MOSMO: variants seen among roughly 807,000 people sequenced by gnomAD.
The protein encoded by MOSMO is modulator of smoothened, also known as modulator of smoothened protein.
A neutral mutation model predicts 18.4 loss-of-function variants in MOSMO; 5 were observed. The observed-to-expected ratio is 0.27, with a 90% confidence interval of 0.14 to 0.57. The LOEUF (loss-of-function observed/expected upper bound fraction) is 0.57. MOSMO is among the 20% of genes least tolerant of loss of function. The pLI, the probability that MOSMO is intolerant of heterozygous loss-of-function variation, is 0.92. For missense variants in MOSMO, 138 were observed against 211.8 expected (o/e 0.65, Z 2.16); for synonymous variants, 82 against 82.3 (o/e 1.00, Z 0.02).
At chr16:22,061,365 C>T (rs1900642069) in intron 1 of MOSMO, among the ~76,000 whole-genome samples, 1 of 152,186 alleles carries the variant, frequency 6.6e-6, no homozygotes, top group Non-Finnish European at 1.5e-5. Flanking sequence ...GGACAGTAGA[C>T]CAAAAGACAA....
intron 1 of MOSMO, among the ~76,000 whole-genome samples, chr16:22,069,244 C>G (rs546537219): frequency 6.6e-6 from 1 of 152,124 alleles, no homozygotes; most frequent in East Asian, 1.9e-4. Flanking sequence ...GTATTGTAGG[C>G]AGAGGGAACA....
chr16:22,068,086 C>T (rs1467723762), intron 1 of MOSMO, among the ~76,000 whole-genome samples: 1 of 151,958 alleles, frequency 6.6e-6, no homozygotes, highest in Admixed American at 6.6e-5. Context: ...TTTGGATCCA[C>T]ATAAAGAAAT....
chr16:22,046,219 T>C (rs1567507536), intron 1 of MOSMO, among the ~76,000 whole-genome samples: 1 of 152,228 alleles, frequency 6.6e-6, no homozygotes, highest in African/African-American at 2.4e-5. Flanking sequence ...ATTTAAAGAC[T>C]AGAGCTATTG....
In MOSMO at chr16:22,075,845, G is replaced by GT. The variant is rs1245714262; in HGVS notation, c.319+147dup. The GT allele has an allele frequency of 1.0e-5, 6 of 598,566 alleles. No individual in the cohort carries two copies. The African/African-American group carries it at 1.1e-4, about 11-fold the overall frequency. 37.1% of individuals were successfully genotyped at this position (598,566 alleles called of 1,614,324 possible). ...ATGGCCGTGAGATAGACTCTACACA[G>GT]TCCCATCATTTCTTCAAAACTCTTT... On this transcript the variant is annotated intron_variant, in intron 2 of 2. Coordinates refer to ENST00000542527, the MANE Select transcript of MOSMO (RefSeq NM_001164579.2).
intron 1 of MOSMO, among the ~76,000 whole-genome samples, chr16:22,008,953 G>C (rs1190416256): frequency 6.6e-6 from 1 of 151,860 alleles, no homozygotes; most frequent in Non-Finnish European, 1.5e-5. Context: ...AGCTGCGGCC[G>C]GGGGCGAGCC....
intron 2 of MOSMO, 23 bp downstream of exon 2, chr16:22,075,722 A>G (rs767128971): frequency 2.9e-6 from 4 of 1,371,270 alleles, no homozygotes; most frequent in Admixed American, 2.4e-5. Flanking sequence ...TGCTTACTAA[A>G]TTTGTCTAGA....
chr16:22,019,287 T>G (rs1305981021), intron 1 of MOSMO, among the ~76,000 whole-genome samples: 2 of 152,226 alleles, frequency 1.3e-5, no homozygotes, highest in Non-Finnish European at 2.9e-5. Flanking sequence ...TCTGTATTAC[T>G]TTCTGTTTCC....
At position 22,075,655 on chromosome 16, in the gene MOSMO, G is replaced by A. The variant is rs376246482; in HGVS notation, c.275G>A (p.Arg92Gln). The change falls in exon 2 of 3, where the codon CGA (arginine) becomes CAA (glutamine). Residue 92 changes from arginine to glutamine, a missense_variant. Arg to Gln is a conservative substitution (Grantham distance 43). Coordinates refer to ENST00000542527, the MANE Select transcript of MOSMO (RefSeq NM_001164579.2). ...GGTTTGCTGGTGGCTTCCCACTGGC[G>A]AAGAGAAGCTACAAAATATGCTCGA... Reference protein sequence around the residue: ...TCGLLVASHWRREATKYARWI... With the variant: ...TCGLLVASHWQREATKYARWI... 13 of 1,537,212 alleles carry A rather than the reference G, an allele frequency of 8.5e-6. No individual in the cohort carries two copies. The highest frequency in any genetic ancestry group is 1.7e-4 in the Middle Eastern group (1 of 6,012).
At chr16:22,014,135 G>A (rs1295719747) in intron 1 of MOSMO, among the ~76,000 whole-genome samples, 1 of 152,068 alleles carries the variant, frequency 6.6e-6, no homozygotes, top group Non-Finnish European at 1.5e-5. Context: ...GCATGACAGA[G>A]GAGAGATGAG....
rs1246421901 is a variant in MOSMO at position 22,064,340 on chromosome 16, T to C, written c.107-11147T>C. The C allele has an allele frequency of 1.1e-5, 5 of 456,358 alleles. No homozygotes were observed. The East Asian group carries it at 2.8e-4, about 25-fold the overall frequency. 28.3% of individuals were successfully genotyped at this position (456,358 alleles called of 1,614,324 possible). The stretch of plus-strand genomic sequence containing the variant: ...TTAACTTTCATTCTCTTTACCAGTC[T>C]CACCTTAATCCAGCTCAGTTCTGTG... On this transcript the variant is annotated intron_variant, in intron 1 of 2. Transcript: ENST00000542527.
At chr16:22,008,481 G>A in intron 1 of MOSMO, 74 bp downstream of exon 1, 1 of 1,079,520 alleles carries the variant, frequency 9.3e-7, no homozygotes, top group Non-Finnish European at 1.3e-6. Flanking sequence ...CCCGGACTGA[G>A]GAGAGGACGG....
At chr16:22,010,931 CAG>C (rs1380256165) in intron 1 of MOSMO, among the ~76,000 whole-genome samples, 2 of 110,776 alleles carry the variant, frequency 1.8e-5, no homozygotes, top group African/African-American at 6.9e-5. Context: ...AAAAAGAAAA[CAG>C]AAAAAAAAAA....
At position 22,075,481 on chromosome 16, in the gene MOSMO, C is replaced by G; in HGVS notation, c.107-6C>G. 6.5e-7 allele frequency: 1 copy of G among 1,536,814 alleles called. No homozygotes were observed. The highest frequency in any genetic ancestry group is 8.7e-7 in the Non-Finnish European group (1 of 1,146,512). The stretch of plus-strand genomic sequence containing the variant: ...TAAAGTATTCCCACCATTTGCATCT[C>G]CCCAGGAGCACTCACTGTGGGCCTC... On this transcript the variant is annotated splice_polypyrimidine_tract_variant and splice_region_variant and intron_variant, in intron 1 of 2. Transcript: ENST00000542527.
At chr16:22,049,383 C>G (rs1341558324) in intron 1 of MOSMO, among the ~76,000 whole-genome samples, 1 of 152,002 alleles carries the variant, frequency 6.6e-6, no homozygotes, top group Non-Finnish European at 1.5e-5. Flanking sequence ...ATTAAAAATC[C>G]TTTTATAGAA....
At chr16:22,023,615 C>T (rs561741942) in intron 1 of MOSMO, among the ~76,000 whole-genome samples, 1 of 146,452 alleles carries the variant, frequency 6.8e-6, no homozygotes, top group South Asian at 2.1e-4. Context: ...CTGTGCTCTG[C>T]CCTTCCTCTC....
At chr16:22,011,420 G>T (rs1403845729) in intron 1 of MOSMO, among the ~76,000 whole-genome samples, 1 of 152,196 alleles carries the variant, frequency 6.6e-6, no homozygotes, top group African/African-American at 2.4e-5. Flanking sequence ...AGTGGCCAAA[G>T]TATTGTAATG....
chr16:22,037,652 T>A (rs115686306), intron 1 of MOSMO, among the ~76,000 whole-genome samples: 132 of 152,166 alleles, frequency 8.7e-4, no homozygotes, highest in African/African-American at 3.0e-3. Context: ...TCCCATCACC[T>A]CCTCCTCAGT....
At chr16:22,073,578 A>T (rs1344267456) in intron 1 of MOSMO, among the ~76,000 whole-genome samples, 2 of 149,466 alleles carry the variant, frequency 1.3e-5, no homozygotes, top group Non-Finnish European at 1.5e-5. Context: ...GAGACTTTTT[A>T]GTGTTTTTGT....
chr16:22,084,971 C>T (rs369201444), downstream of MOSMO, among the ~76,000 whole-genome samples: 1 of 152,190 alleles, frequency 6.6e-6, no homozygotes, highest in Admixed American at 6.5e-5. Context: ...AAGCCAAAGC[C>T]CTCAAGCCAA....
Sources: allele counts gnomAD v4.1 joint callset (sites outside exome capture counted in the v4.1 genomes callset), GRCh38; gene constraint gnomAD v4.1.1; transcripts MANE v1.5; gene names NCBI Gene and HGNC (gene_info 2026-07-23, HGNC 2026-07-21).